HS3ST5: variants seen among roughly 807,000 people sequenced by gnomAD.
HS3ST5 encodes heparan sulfate-glucosamine 3-sulfotransferase 5.
HS3ST5 carries 10 observed loss-of-function variants against 25.4 expected under a neutral mutation model. The ratio of observed to expected loss-of-function variants is 0.39; its 90% CI spans 0.24 to 0.67. HS3ST5 has a LOEUF of 0.67. HS3ST5 is among the 30% of genes least tolerant of loss of function. HS3ST5 has a pLI of 0.44. For missense variants in HS3ST5, 324 were observed against 420.7 expected (o/e 0.77, Z 2.01); for synonymous variants, 170 against 162.4 (o/e 1.05, Z -0.36).
At chr6:114,337,028 T>C (rs1349593944) in intron 1 of HS3ST5, among the ~76,000 whole-genome samples, 3 of 152,212 alleles carry the variant, frequency 2.0e-5, no homozygotes, top group Non-Finnish European at 4.4e-5. Context: ...CTTCCTTTTG[T>C]CTACTCCTAA....
At chr6:114,122,647 C>T (rs1776848776) in intron 3 of HS3ST5, among the ~76,000 whole-genome samples, 1 of 152,128 alleles carries the variant, frequency 6.6e-6, no homozygotes, top group Admixed American at 6.5e-5. Flanking sequence ...GATGTGAAAC[C>T]TACCCTTCTG....
At chr6:114,174,894 G>T (rs1779653858) in intron 2 of HS3ST5, among the ~76,000 whole-genome samples, 1 of 152,168 alleles carries the variant, frequency 6.6e-6, no homozygotes. Flanking sequence ...TCAAGAGGCA[G>T]AGGCAGGAGG....
In HS3ST5 at chr6:114,224,697, T is replaced by TACACAC. The variant is rs67203600; in HGVS notation, c.-145+3887_-145+3888insGTGTGT. The stretch of plus-strand genomic sequence containing the variant: ...ATACATATATATATACATATATATA[T>TACACAC]ATACACACACACACACACACACACC... On this transcript the variant is annotated intron_variant, in intron 2 of 4. Transcript: ENST00000312719. Among the ~76,000 whole-genome samples the TACACAC allele has an allele frequency of 4.1e-3, 604 of 145,652 alleles. 2 individuals carry two copies. Among genetic ancestry groups the TACACAC allele is most frequent in the Middle Eastern group, 0.014 (4 of 288 alleles).
At chr6:114,274,059 A>C (rs1484224014) in intron 1 of HS3ST5, among the ~76,000 whole-genome samples, 2 of 152,010 alleles carry the variant, frequency 1.3e-5, no homozygotes, top group African/African-American at 4.8e-5. Context: ...AGTAGTTCTC[A>C]TGGGTAAGTA....
At chr6:114,301,007 G>A (rs922422952) in intron 1 of HS3ST5, among the ~76,000 whole-genome samples, 7 of 152,140 alleles carry the variant, frequency 4.6e-5, no homozygotes. Flanking sequence ...GTTGGAGTGG[G>A]GGAGTCTGAA....
intron 3 of HS3ST5, among the ~76,000 whole-genome samples, chr6:114,165,879 G>A (rs1001205600): frequency 5.9e-5 from 9 of 152,172 alleles, no homozygotes; most frequent in African/African-American, 2.2e-4. Flanking sequence ...ATGAAATGAT[G>A]TATGTAAAGT....
chr6:114,259,004 A>T (rs1048879893), intron 1 of HS3ST5, among the ~76,000 whole-genome samples: 9 of 152,156 alleles, frequency 5.9e-5, no homozygotes, highest in Non-Finnish European at 1.3e-4. Flanking sequence ...GACACTAAAA[A>T]GTTTTTTCTC....
intron 1 of HS3ST5, among the ~76,000 whole-genome samples, chr6:114,289,980 A>G (rs1450050587): frequency 6.6e-6 from 1 of 152,178 alleles, no homozygotes; most frequent in Non-Finnish European, 1.5e-5. Context: ...TAATGATTAC[A>G]TAAGCTCTGG....
intron 3 of HS3ST5, among the ~76,000 whole-genome samples, chr6:114,125,557 G>A (rs554941569): frequency 6.6e-6 from 1 of 152,232 alleles, no homozygotes; most frequent in East Asian, 1.9e-4. Flanking sequence ...TACATCAAAA[G>A]CAATTCTTAA....
intron 2 of HS3ST5, among the ~76,000 whole-genome samples, chr6:114,187,145 C>A (rs1780257414): frequency 1.3e-5 from 2 of 152,204 alleles, no homozygotes; most frequent in Admixed American, 6.5e-5. Context: ...TGCCTGCTAA[C>A]ACAACATTCA....
At chr6:114,285,604 C>G (rs1041328241) in intron 1 of HS3ST5, among the ~76,000 whole-genome samples, 4 of 151,846 alleles carry the variant, frequency 2.6e-5, no homozygotes, top group Admixed American at 2.6e-4. Flanking sequence ...TGATTCCACT[C>G]ATATGAGGTA....
chr6:114,101,502 T>C (rs531122994), intron 3 of HS3ST5, among the ~76,000 whole-genome samples: 83 of 152,288 alleles, frequency 5.5e-4, no homozygotes, highest in African/African-American at 2.0e-3. Flanking sequence ...ACAGTGCCTG[T>C]GGGTATATCA....
intron 2 of HS3ST5, among the ~76,000 whole-genome samples, chr6:114,172,542 A>G (rs955235216): frequency 6.6e-6 from 1 of 152,248 alleles, no homozygotes; most frequent in Non-Finnish European, 1.5e-5. Flanking sequence ...AATAGGTAAA[A>G]ATACAGGCAC....
At chr6:114,077,137 C>T (rs946170275) in intron 3 of HS3ST5, among the ~76,000 whole-genome samples, 4 of 152,116 alleles carry the variant, frequency 2.6e-5, no homozygotes, top group African/African-American at 4.8e-5. Context: ...TCACAGCTCC[C>T]GTTATTGCAT....
At chr6:114,168,810 G>A (rs989434711) in intron 2 of HS3ST5, among the ~76,000 whole-genome samples, 18 of 152,208 alleles carry the variant, frequency 1.2e-4, no homozygotes, top group African/African-American at 4.3e-4. Context: ...GAGAATTTTA[G>A]GTGAGAATGG....
At chr6:114,235,851 G>A (rs1771831325) in intron 1 of HS3ST5, 1 of 152,316 alleles carries the variant, frequency 6.6e-6, no homozygotes, top group East Asian at 1.9e-4. Flanking sequence ...AATCATCCAT[G>A]TTTACTGATC....
At chr6:114,146,774 A>G (rs1582651155) in intron 3 of HS3ST5, among the ~76,000 whole-genome samples, 1 of 151,950 alleles carries the variant, frequency 6.6e-6, no homozygotes, top group Non-Finnish European at 1.5e-5. Context: ...AGTGTATGGC[A>G]CCTTCCCCCA....
At chr6:114,171,204 T>G (rs1779458801) in intron 2 of HS3ST5, among the ~76,000 whole-genome samples, 1 of 152,204 alleles carries the variant, frequency 6.6e-6, no homozygotes, top group African/African-American at 2.4e-5. Flanking sequence ...TTAATACATT[T>G]AGGAGAAACC....
At chr6:114,313,305 C>A (rs531039198) in intron 1 of HS3ST5, among the ~76,000 whole-genome samples, 1 of 152,166 alleles carries the variant, frequency 6.6e-6, no homozygotes, top group African/African-American at 2.4e-5. Context: ...TGGAGATATA[C>A]CGTACATGCA....
Sources: allele counts gnomAD v4.1 joint callset (sites outside exome capture counted in the v4.1 genomes callset), GRCh38; gene constraint gnomAD v4.1.1; transcripts MANE v1.5; gene names NCBI Gene and HGNC (gene_info 2026-07-23, HGNC 2026-07-21).